The following NEDD4L variants were observed in gnomAD, a reference collection of about 807,000 sequenced individuals.
NEDD4L encodes the protein E3 ubiquitin-protein ligase NEDD4-like.
Under a neutral mutation model 148.9 loss-of-function variants are expected in NEDD4L, and 54 were observed. That is an observed-to-expected ratio of 0.36 (90% confidence interval 0.29 to 0.45). The LOEUF is 0.45. NEDD4L is among the 20% of genes least tolerant of loss of function. NEDD4L has a pLI of 1.00. For missense variants in NEDD4L, 856 were observed against 1,233.8 expected, an observed-to-expected ratio of 0.69 and a Z score of 4.59; for synonymous variants, 433 against 440.7, an observed-to-expected ratio of 0.98 and a Z score of 0.22.
At position 58,172,322 on chromosome 18, in the gene NEDD4L, C is replaced by T. The variant is rs115315191; in HGVS notation, c.122+6461C>T. The stretch of plus-strand genomic sequence containing the variant: ...CTGACTCTTCTGGAAGTCTTTTAGA[C>T]GCTCTGTGGTGGGGCAGGGACAAGT... On this transcript the variant is annotated intron_variant, in intron 2 of 30. Transcript: ENST00000400345. 1.2e-3 allele frequency among the ~76,000 whole-genome samples: 184 copies of T among 152,302 alleles called. 1 individual carries two copies. Among genetic ancestry groups the T allele is most frequent in the African/African-American group, 4.3e-3 (177 of 41,570 alleles).
chr18:58,103,850 A>G (rs1193414931), intron 1 of NEDD4L, among the ~76,000 whole-genome samples: 1 of 152,346 alleles, frequency 6.6e-6, no homozygotes, highest in East Asian at 1.9e-4. Flanking sequence ...ATAAACAAGG[A>G]AAGTGGTTGT....
At chr18:58,057,031 C>T (rs371477392) in intron 1 of NEDD4L, among the ~76,000 whole-genome samples, 1 of 151,846 alleles carries the variant, frequency 6.6e-6, no homozygotes, top group East Asian at 1.9e-4. Flanking sequence ...AACCAGTCAC[C>T]GTGGCAAGGA....
intron 1 of NEDD4L, among the ~76,000 whole-genome samples, chr18:58,156,033 G>T (rs749017708): frequency 1.3e-5 from 2 of 152,176 alleles, no homozygotes; most frequent in Non-Finnish European, 2.9e-5. Context: ...CCCAGCTGGT[G>T]ATTTGGTTTC....
chr18:58,316,153 G>A (rs745620701), intron 6 of NEDD4L, 121 bp downstream of exon 6: 15 of 807,248 alleles, frequency 1.9e-5, no homozygotes, highest in South Asian at 9.7e-5. Flanking sequence ...AATGAAGCAC[G>A]TGTGCTGTGG....
intron 1 of NEDD4L, among the ~76,000 whole-genome samples, chr18:58,115,923 C>T (rs1275265301): frequency 3.3e-5 from 5 of 152,210 alleles, no homozygotes; most frequent in South Asian, 2.1e-4. Flanking sequence ...AAGCACTCTA[C>T]GTTTGTTAAC....
chr18:58,095,922 A>AT (rs112190104), intron 1 of NEDD4L, among the ~76,000 whole-genome samples: 14,230 of 147,062 alleles, frequency 0.097, 781 homozygotes, highest in Admixed American at 0.16. Flanking sequence ...CTTTTGTGTG[A>AT]TTTTTTTTTT....
chr18:58,178,014 A>G (rs529196837), intron 2 of NEDD4L, among the ~76,000 whole-genome samples: 7 of 152,354 alleles, frequency 4.6e-5, no homozygotes, highest in Admixed American at 4.6e-4. Context: ...GAGGCTTTGC[A>G]GGACTGATGG....
chr18:58,056,756 T>C (rs940890014), intron 1 of NEDD4L, among the ~76,000 whole-genome samples: 2 of 152,092 alleles, frequency 1.3e-5, no homozygotes, highest in African/African-American at 4.8e-5. Flanking sequence ...AATTTTTGTA[T>C]TTTTAATGGA....
At chr18:58,349,004 C>T (rs2043507239) in intron 16 of NEDD4L, among the ~76,000 whole-genome samples, 2 of 152,082 alleles carry the variant, frequency 1.3e-5, no homozygotes, top group Admixed American at 1.3e-4. Context: ...AGCGACTCTC[C>T]CTGGAGTAGC....
intron 2 of NEDD4L, chr18:58,221,411 G>C (rs2043753853): frequency 3.9e-6 from 1 of 254,798 alleles, no homozygotes; most frequent in African/African-American, 2.3e-5. Flanking sequence ...AAGGCCCCGG[G>C]TGATGATGTA....
chr18:58,165,951 A>C (rs2036798256), intron 2 of NEDD4L, 90 bp downstream of exon 2: 1 of 1,029,424 alleles, frequency 9.7e-7, no homozygotes, highest in African/African-American at 1.6e-5. Flanking sequence ...CACCTGGAGG[A>C]CTTCTTAAGA....
intron 2 of NEDD4L, among the ~76,000 whole-genome samples, chr18:58,214,376 G>A (rs1010260711): frequency 6.6e-6 from 1 of 152,130 alleles, no homozygotes; most frequent in Admixed American, 6.5e-5. Context: ...GTGATATTTA[G>A]TCTGAATCAG....
At chr18:58,355,489 T>G (rs2044486849) in intron 18 of NEDD4L, among the ~76,000 whole-genome samples, 1 of 152,210 alleles carries the variant, frequency 6.6e-6, no homozygotes, top group African/African-American at 2.4e-5. Context: ...GACTTGCGAA[T>G]CCCAATGAGT....
chr18:58,145,093 T>C (rs1407169974), intron 1 of NEDD4L, among the ~76,000 whole-genome samples: 1 of 152,146 alleles, frequency 6.6e-6, no homozygotes, highest in East Asian at 1.9e-4. Context: ...ATACTACCTC[T>C]GCAGTGGGAC....
At chr18:58,380,575 CA>C (rs752913231) in intron 24 of NEDD4L, among the ~76,000 whole-genome samples, 3 of 152,102 alleles carry the variant, frequency 2.0e-5, no homozygotes, top group Non-Finnish European at 4.4e-5. Context: ...CTCGGCCTCC[CA>C]AATTTTTTTT....
intron 1 of NEDD4L, among the ~76,000 whole-genome samples, chr18:58,111,483 C>A (rs895135203): frequency 1.3e-5 from 2 of 152,242 alleles, no homozygotes; most frequent in African/African-American, 4.8e-5. Flanking sequence ...TACTTTGTAT[C>A]TCTACATTTT....
intron 5 of NEDD4L, among the ~76,000 whole-genome samples, chr18:58,284,015 A>C (rs572864214): frequency 1.6e-4 from 24 of 152,322 alleles, no homozygotes; most frequent in African/African-American, 5.8e-4. Context: ...AAAGATTGCT[A>C]GCAAGCCTCC....
At chr18:58,267,608 C>G (rs2050404776) in intron 5 of NEDD4L, among the ~76,000 whole-genome samples, 1 of 152,012 alleles carries the variant, frequency 6.6e-6, no homozygotes, top group Non-Finnish European at 1.5e-5. Context: ...GAGTTAGTCT[C>G]CCCCTTAGTA....
intron 2 of NEDD4L, among the ~76,000 whole-genome samples, chr18:58,244,795 A>G (rs2047058443): frequency 6.6e-6 from 1 of 152,232 alleles, no homozygotes; most frequent in African/African-American, 2.4e-5. Context: ...TCTCAGGTTC[A>G]AGCGATTCTT....
Sources: gnomAD v4.1 joint callset for allele counts (sites outside exome capture counted in the v4.1 genomes callset) on GRCh38, gnomAD v4.1.1 for gene constraint, MANE v1.5 for transcripts, NCBI Gene and HGNC (gene_info 2026-07-23, HGNC 2026-07-21) for gene names.